Variants in SGCD observed in about 807,000 individuals in gnomAD.
SGCD encodes sarcoglycan delta.
Under a neutral mutation model 36.6 loss-of-function variants are expected in SGCD, and 18 were observed. The observed-to-expected ratio is 0.49, with a 90% CI of 0.34 to 0.73. SGCD has a LOEUF of 0.73. Ranked by LOEUF, SGCD falls within the 30% of genes least tolerant of loss-of-function variation. SGCD has a pLI of 0.01. For synonymous variants in SGCD, 133 were observed against 130.6 expected (o/e 1.02, Z -0.12); for missense variants, 387 against 346.7 (o/e 1.12, Z -0.92).
intron 3 of SGCD, among the ~76,000 whole-genome samples, chr5:156,283,789 G>T (rs1266992483): frequency 6.6e-6 from 1 of 152,144 alleles, no homozygotes; most frequent in Non-Finnish European, 1.5e-5. Flanking sequence ...CTCAAGAGAG[G>T]CTGATGGTGG....
intron 1 of SGCD, among the ~76,000 whole-genome samples, chr5:155,914,741 G>A (rs1756702632): frequency 6.6e-6 from 1 of 152,150 alleles, no homozygotes; most frequent in Non-Finnish European, 1.5e-5. Flanking sequence ...TTGGAGGGAA[G>A]TGTTCTTAGA....
rs933303711 is a variant in SGCD, at chr5:155,937,935, C to T, written c.-282+67511C>T. ...TGAGGTTCACAAGTTTGATGATTTA[C>T]CTGTGGCCTGTAGCTTGCCAATGAC... On this transcript the variant is annotated intron_variant, in intron 1 of 9. Transcript: ENST00000517913. 2.0e-5 allele frequency among the ~76,000 whole-genome samples: 3 copies of T among 152,290 alleles called. No individual in the cohort carries two copies. The South Asian group carries it at 6.2e-4, about 32-fold the overall frequency.
intron 1 of SGCD, among the ~76,000 whole-genome samples, chr5:156,112,515 C>T (rs1405607829): frequency 6.6e-6 from 1 of 152,060 alleles, no homozygotes; most frequent in African/African-American, 2.4e-5. Context: ...GTGGTGGTAA[C>T]AAGGTTGAAA....
intron 5 of SGCD, among the ~76,000 whole-genome samples, chr5:156,593,110 G>A (rs1760789309): frequency 6.6e-6 from 1 of 152,114 alleles, no homozygotes; most frequent in Admixed American, 6.5e-5. Flanking sequence ...GATACAGTAG[G>A]CAGTGATAGT....
At chr5:156,088,806 T>C (rs1761166017) in intron 1 of SGCD, among the ~76,000 whole-genome samples, 1 of 152,224 alleles carries the variant, frequency 6.6e-6, no homozygotes, top group African/African-American at 2.4e-5. Context: ...TTTTCTTAAG[T>C]AGTATTTTAA....
chr5:156,371,376 G>A (rs906148607), intron 3 of SGCD, among the ~76,000 whole-genome samples: 5 of 152,172 alleles, frequency 3.3e-5, no homozygotes, highest in African/African-American at 1.2e-4. Context: ...TAGGATTGAT[G>A]AAGGAAACTC....
intron 3 of SGCD, among the ~76,000 whole-genome samples, chr5:156,129,460 A>G (rs1336407692): frequency 6.6e-6 from 1 of 152,212 alleles, no homozygotes; most frequent in Non-Finnish European, 1.5e-5. Flanking sequence ...CTCATTTGGC[A>G]TAAGTGCCTA....
intron 2 of SGCD, among the ~76,000 whole-genome samples, chr5:156,121,642 G>A (rs1762043206): frequency 6.6e-6 from 1 of 152,142 alleles, no homozygotes; most frequent in South Asian, 2.1e-4. Flanking sequence ...GTACCCCAGG[G>A]AAAGGAAGGG....
chr5:155,838,528 G>C, the SGCD span, among the ~76,000 whole-genome samples: 1 of 152,108 alleles, frequency 6.6e-6, no homozygotes, highest in African/African-American at 2.4e-5. Context: ...AGTTAGGTTA[G>C]AGTAGCAATT....
In SGCD at chr5:156,264,816, T is replaced by C. The variant is rs147529710; in HGVS notation, c.-43-64718T>C. Among the ~76,000 whole-genome samples, 637 of 152,302 alleles carry C rather than the reference T, an allele frequency of 4.2e-3. 2 individuals are homozygous for C. The highest frequency in any genetic ancestry group is 0.014 in the Middle Eastern group (4 of 294). On this transcript the variant is annotated intron_variant, in intron 3 of 9. Coordinates refer to the SGCD transcript ENST00000517913. ...AGAGGATTTTGTCAATTTTGTTCAC[T>C]GCTTTTTTCCCCAGCACCTAGAACA... is the stretch of plus-strand genomic sequence containing the variant.
At chr5:156,299,540 C>T (rs1170817759) in intron 3 of SGCD, among the ~76,000 whole-genome samples, 5 of 152,060 alleles carry the variant, frequency 3.3e-5, no homozygotes, top group African/African-American at 4.8e-5. Flanking sequence ...GACATTTTAA[C>T]GATATTGATT....
intron 1 of SGCD, among the ~76,000 whole-genome samples, chr5:155,928,408 C>T (rs1757033822): frequency 6.6e-6 from 1 of 152,014 alleles, no homozygotes; most frequent in Admixed American, 6.5e-5. Context: ...TGCCTCATGC[C>T]TATAATCCCA....
intron 1 of SGCD, among the ~76,000 whole-genome samples, chr5:155,886,218 A>G (rs1379907007): frequency 2.0e-5 from 3 of 152,234 alleles, no homozygotes; most frequent in African/African-American, 7.2e-5. Flanking sequence ...GGTATAGGAT[A>G]GAATGTAAAA....
At chr5:155,738,900 A>T in the SGCD span, among the ~76,000 whole-genome samples, 1 of 150,122 alleles carries the variant, frequency 6.7e-6, no homozygotes, top group South Asian at 2.1e-4. Flanking sequence ...TGAGTGTGTG[A>T]GAGAGTATGT....
At chr5:156,732,977 G>C (rs1397762264) in intron 7 of SGCD, among the ~76,000 whole-genome samples, 1 of 151,876 alleles carries the variant, frequency 6.6e-6, no homozygotes, top group Non-Finnish European at 1.5e-5. Flanking sequence ...TTCTTTGTCT[G>C]CCTAGCAGTC....
intron 3 of SGCD, among the ~76,000 whole-genome samples, chr5:156,132,802 C>T (rs1469056377): frequency 2.0e-5 from 3 of 152,184 alleles, no homozygotes; most frequent in Non-Finnish European, 4.4e-5. Context: ...TCTCTTACAA[C>T]TTTCTTTAGC....
At chr5:156,410,587 T>C (rs1772686726) in intron 3 of SGCD, among the ~76,000 whole-genome samples, 1 of 152,196 alleles carries the variant, frequency 6.6e-6, no homozygotes, top group Non-Finnish European at 1.5e-5. Context: ...ATTAAAACTA[T>C]CAAGCACCTA....
chr5:156,521,003 C>G (rs1183310694), intron 4 of SGCD, among the ~76,000 whole-genome samples: 1 of 120,078 alleles, frequency 8.3e-6, no homozygotes, highest in East Asian at 2.5e-4. Context: ...AGTGACAGAG[C>G]GAGACTCCGT....
At chr5:156,407,909 G>T (rs7731517) in intron 3 of SGCD, among the ~76,000 whole-genome samples, 26,212 of 152,120 alleles carry the variant, frequency 0.17, 2,483 homozygotes, top group African/African-American at 0.23. Flanking sequence ...TTACAAACTT[G>T]CCACCTTATG....
Sources: gnomAD v4.1 joint callset for allele counts (sites outside exome capture counted in the v4.1 genomes callset) on GRCh38, gnomAD v4.1.1 for gene constraint, MANE v1.5 for transcripts, NCBI Gene and HGNC (gene_info 2026-07-23, HGNC 2026-07-21) for gene names.